Variants in TNFRSF10A observed in about 807,000 individuals in gnomAD.
TNFRSF10A encodes the protein TNF receptor superfamily member 10a.
Under a neutral mutation model 42.8 loss-of-function variants are expected in TNFRSF10A, and 44 were observed. The ratio of observed to expected loss-of-function variants is 1.03; its 90% confidence interval spans 0.81 to 1.32. TNFRSF10A has a LOEUF of 1.32. Ranked by LOEUF, TNFRSF10A falls within the 40% of genes most tolerant of loss-of-function variation. TNFRSF10A has a pLI of 0.00. For synonymous variants in TNFRSF10A, 259 were observed against 234.2 expected (o/e 1.11, Z -0.97); for missense variants, 680 against 602.0 (o/e 1.13, Z -1.36).
In TNFRSF10A at chr8:23,196,338, C is replaced by T. The variant is rs561843091; in HGVS notation, c.1087+794G>A. ...CCTCCCGAATAGCTGGGACTACAGG[C>T]GCCCGCCAATACGCCTGGCTAATTT... On this transcript the variant is annotated intron_variant, in intron 9 of 9. Transcript: ENST00000221132. 7.8e-4 allele frequency among the ~76,000 whole-genome samples: 119 copies of T among 152,062 alleles called. 2 individuals are homozygous for T. The highest frequency in any genetic ancestry group is 2.6e-3 in the African/African-American group (107 of 41,510).
chr8:23,216,956 T>A (rs902293456), intron 1 of TNFRSF10A, among the ~76,000 whole-genome samples: 1 of 152,198 alleles, frequency 6.6e-6, no homozygotes, highest in Non-Finnish European at 1.5e-5. Flanking sequence ...ATGTGGTCTA[T>A]CTTGGTGAAG....
At chr8:23,207,275 C>A (rs1047392902) in intron 2 of TNFRSF10A, 33 of 599,020 alleles carry the variant, frequency 5.5e-5, no homozygotes, top group Admixed American at 4.8e-4. Flanking sequence ...AGGTTCAACA[C>A]CCTGATTAGG....
rs753799152 is a variant in TNFRSF10A at position 23,224,967 on chromosome 8, G to A, written c.95C>T (p.Ala32Val). ...AGAGCCCCACACTTTGCTGGGTGTGGCCGCGGCTGCCTCTGTCCCACTCGC... is the reference window on the plus strand; with the variant it reads ...AGAGCCCCACACTTTGCTGGGTGTGACCGCGGCTGCCTCTGTCCCACTCGC... ...SAASGTEAAA[A>V]TPSKVWGSSA... The change falls in exon 1 of 10, where the codon GCC becomes GTC. Residue 32 changes from alanine to valine, a missense_variant. Ala to Val is a moderately conservative substitution (Grantham distance 64). Coordinates refer to ENST00000221132, the MANE Select transcript of TNFRSF10A (RefSeq NM_003844.4). The A allele has an allele frequency of 4.4e-6, 7 of 1,598,844 alleles. No homozygotes were observed. The highest frequency in any genetic ancestry group is 1.6e-4 in the Middle Eastern group (1 of 6,070).
At chr8:23,201,283 T>C (rs572804130) in intron 4 of TNFRSF10A, among the ~76,000 whole-genome samples, 5 of 152,296 alleles carry the variant, frequency 3.3e-5, no homozygotes, top group African/African-American at 1.2e-4. Flanking sequence ...GGGGTGAGGC[T>C]GGCTGGGTGG....
rs1801317884 is a variant in TNFRSF10A at position 23,224,893 on chromosome 8, T to C, written c.169A>G (p.Thr57Ala). ...CTGGGTCCGTGCTGTCCCATGGAGG[T>C]AGGGAGCGCTCCTCGGCCCCCGCCT... ...PRGGGRGALP[T>A]SMGQHGPSAR... is the part of the protein sequence containing the mutation. Residue 57 changes from threonine (T) to alanine (A), a missense_variant, in exon 1 of 10, where the codon ACC becomes GCC. By Grantham distance (58) the Thr-to-Ala change is moderately conservative (BLOSUM62 0). Transcript: ENST00000221132. The C allele has an allele frequency of 6.3e-6, 10 of 1,590,652 alleles. No individual in the cohort carries two copies. Among genetic ancestry groups the C allele is most frequent in the Non-Finnish European group, 7.7e-6 (9 of 1,169,002 alleles).
At position 23,212,140 on chromosome 8, in the gene TNFRSF10A, G is replaced by C. The variant is rs1563383750; in HGVS notation, c.379C>G (p.Pro127Ala). The change falls in exon 2 of 10, where the codon CCT becomes GCT. Residue 127 changes from proline (P) to alanine (A), a missense_variant. Pro to Ala is a conservative substitution (Grantham distance 27). Transcript: ENST00000221132. The stretch of plus-strand genomic sequence containing the variant: ...CCTGGTGGACACAACTCTCCCAAAG[G>C]GCTATGTTCCCATTGCTGTGTGCCA... ...SIGTQQWEHS[P>A]LGELCPPGSH... is the part of the protein sequence containing the mutation. The C allele has an allele frequency of 2.5e-6, 4 of 1,613,690 alleles. No individual in the cohort carries two copies. The South Asian group carries it at 3.3e-5, about 13-fold the overall frequency.
intron 2 of TNFRSF10A, among the ~76,000 whole-genome samples, chr8:23,206,402 T>G (rs1276964642): frequency 6.6e-6 from 1 of 152,228 alleles, no homozygotes; most frequent in African/African-American, 2.4e-5. Context: ...GTAAGTGCCC[T>G]AGACAACTAC....
intron 8 of TNFRSF10A, among the ~76,000 whole-genome samples, chr8:23,198,556 G>C (rs952921001): frequency 6.6e-6 from 1 of 151,838 alleles, no homozygotes; most frequent in African/African-American, 2.4e-5. Flanking sequence ...CTGATCTTAC[G>C]CAAAAACAGT....
rs558245492 is a variant in TNFRSF10A, at chr8:23,203,007, G to C, written c.404-246C>G. 2.0e-4 allele frequency among the ~76,000 whole-genome samples: 30 copies of C among 152,240 alleles called. No homozygotes were observed. In the South Asian group the frequency reaches 5.8e-3, roughly 29 times the overall value. On this transcript the variant is annotated intron_variant, in intron 2 of 9. Coordinates refer to ENST00000221132, the MANE Select transcript of TNFRSF10A (RefSeq NM_003844.4). ...GAGAGCCATATTAAAATAGTAAAAA[G>C]AGAATGAGGTCAAATTAATTTTAAC...
intron 4 of TNFRSF10A, among the ~76,000 whole-genome samples, chr8:23,201,127 C>T (rs920706712): frequency 1.3e-5 from 2 of 152,208 alleles, no homozygotes; most frequent in East Asian, 1.9e-4. Flanking sequence ...CCAGTTAACC[C>T]ACAGTACAAG....
At position 23,198,906 on chromosome 8, in the gene TNFRSF10A, A is replaced by G. The variant is rs528701501; in HGVS notation, c.1014+360T>C. ...TTTAGATCCAAATATGTTTAATGCA[A>G]TAATAATTTCAGAGTAAATTTAAAA... On this transcript the variant is annotated intron_variant, in intron 8 of 9. Coordinates refer to ENST00000221132, the MANE Select transcript of TNFRSF10A (RefSeq NM_003844.4). Among the ~76,000 whole-genome samples the G allele has an allele frequency of 2.0e-5, 3 of 152,270 alleles. No homozygotes were observed. The South Asian group carries it at 6.2e-4, about 31-fold the overall frequency.
chr8:23,206,051 A>T (rs1336429122), intron 2 of TNFRSF10A, among the ~76,000 whole-genome samples: 1 of 152,186 alleles, frequency 6.6e-6, no homozygotes, highest in Non-Finnish European at 1.5e-5. Flanking sequence ...TTAACAAAAA[A>T]ATTTTTAAGT....
At chr8:23,201,505 T>C (rs1452849500) in intron 4 of TNFRSF10A, among the ~76,000 whole-genome samples, 1 of 152,158 alleles carries the variant, frequency 6.6e-6, no homozygotes, top group Non-Finnish European at 1.5e-5. Context: ...TGTACCTCTG[T>C]TGTGGGCCCT....
chr8:23,213,541 A>G (rs57254474), intron 1 of TNFRSF10A, among the ~76,000 whole-genome samples: 36,452 of 90,456 alleles, frequency 0.4, 5,229 homozygotes, highest in East Asian at 0.76. Context: ...TCCGCTTCCC[A>G]GGTTCATGCC....
chr8:23,199,901 G>T lies in TNFRSF10A; in HGVS notation c.816C>A (p.Pro272=). Residue 272 remains proline (P), a synonymous_variant, in exon 7 of 10, where the codon CCC becomes CCA. Transcript: ENST00000221132. ...ATCAACTCACCCTGTCCATGCACTTGGGGTCCCCTCCACAACCTAGAAGAG... is the reference window on the plus strand; with the variant it reads ...ATCAACTCACCCTGTCCATGCACTTTGGGTCCCCTCCACAACCTAGAAGAG... ...CCIGSGCGGD[P]KCMDRVCFWR... is the part of the protein sequence containing the mutation. 1 of 1,614,100 alleles carries T rather than the reference G, an allele frequency of 6.2e-7. No homozygotes were observed. Among genetic ancestry groups the T allele is most frequent in the Non-Finnish European group, 8.5e-7 (1 of 1,179,988 alleles).
At chr8:23,207,018 C>CCGTAT in intron 2 of TNFRSF10A, 1 of 417,614 alleles carries the variant, frequency 2.4e-6, no homozygotes, top group Non-Finnish European at 4.5e-6. Flanking sequence ...GTGTCCACTG[C>CCGTAT]CATGAAAAAA....
chr8:23,197,033 G>A, intron 9 of TNFRSF10A, 99 bp downstream of exon 9: 1 of 1,513,378 alleles, frequency 6.6e-7, no homozygotes, highest in Non-Finnish European at 9.2e-7. Flanking sequence ...TTCTGGCATG[G>A]AATGCTCTGG....
intron 9 of TNFRSF10A, among the ~76,000 whole-genome samples, chr8:23,194,644 C>T (rs1800799057): frequency 6.6e-6 from 1 of 152,030 alleles, no homozygotes; most frequent in South Asian, 2.1e-4. Context: ...TAGGTGAGCA[C>T]CTGATGTTCA....
Position 23,200,740 on chromosome 8 carries a change from T to A in TNFRSF10A, c.650A>T (p.Lys217Met). ...ACTCCAGGGCGTACAATCCTTGACC[T>A]TGACCATCCCTCTGGGGCACCTGGG... ...CSRGCPRGMV[K>M]VKDCTPWSDI... The change falls in exon 5 of 10, where the codon AAG becomes ATG. Residue 217 changes from lysine (K) to methionine (M), a missense_variant. Transcript: ENST00000221132. 6.2e-7 allele frequency: 1 copy of A among 1,612,884 alleles called. No homozygotes were observed. The highest frequency in any genetic ancestry group is 8.5e-7 in the Non-Finnish European group (1 of 1,179,696).
Sources: allele counts gnomAD v4.1 joint callset (sites outside exome capture counted in the v4.1 genomes callset), GRCh38; gene constraint gnomAD v4.1.1; transcripts MANE v1.5; gene names NCBI Gene and HGNC (gene_info 2026-07-23, HGNC 2026-07-21).